The following UBP1 variants were observed in gnomAD, a reference collection of about 807,000 sequenced individuals.
UBP1 encodes upstream-binding protein 1.
A neutral mutation model predicts 76.1 loss-of-function variants in UBP1; 22 were observed. The ratio of observed to expected loss-of-function variants is 0.29; its 90% confidence interval spans 0.21 to 0.41. UBP1 has a LOEUF of 0.41. Ranked by LOEUF, UBP1 falls within the 10% of genes least tolerant of loss-of-function variation. The pLI is 1.00. For missense variants in UBP1, 436 were observed against 668.1 expected (o/e 0.65, Z 3.83); for synonymous variants, 224 against 237.1 (o/e 0.94, Z 0.51).
At chr3:33,400,390 G>A (rs1358774100) in intron 10 of UBP1, 108 bp from the exon 11 acceptor site, 1 of 766,528 alleles carries the variant, frequency 1.3e-6, no homozygotes, top group Non-Finnish European at 2.0e-6. Context: ...CCCAAAAAGA[G>A]CATGAGTCTG....
chr3:33,425,170 GTTTA>G (rs1243149353), intron 2 of UBP1, among the ~76,000 whole-genome samples: 1 of 152,138 alleles, frequency 6.6e-6, no homozygotes, highest in Non-Finnish European at 1.5e-5. Context: ...AAAATTTGAT[GTTTA>G]TTTAGCCACA....
At chr3:33,425,793 C>T (rs753228845) in intron 1 of UBP1, 52 bp from the exon 2 acceptor site, 2 of 1,517,214 alleles carry the variant, frequency 1.3e-6, no homozygotes. Flanking sequence ...AAATATTTGT[C>T]TACAGCCATA....
At chr3:33,425,872 T>TTTTTAA (rs1553679179) in intron 1 of UBP1, 131 bp from the exon 2 acceptor site, 1,335 of 746,448 alleles carry the variant, frequency 1.8e-3, no homozygotes, top group East Asian at 4.0e-3. Context: ...ATAGTTTTTT[T>TTTTTAA]TTTAAGATCA....
intron 13 of UBP1, among the ~76,000 whole-genome samples, chr3:33,395,327 C>T (rs1461822734): frequency 1.3e-5 from 2 of 151,420 alleles, no homozygotes; most frequent in African/African-American, 2.4e-5. Context: ...GCCATTAACA[C>T]ATCTTTTTTT....
chr3:33,401,008 G>A lies in UBP1; in HGVS notation c.1040C>T (p.Ser347Phe). ...TCCATCTCCCTGATGATTTGGGGAA[G>A]AAGAATTGCTGGGGAGAAAGGAGAA... Reference protein sequence around the residue: ...STCSVPDSNSSSPNHQGDGAS... With the variant: ...STCSVPDSNSFSPNHQGDGAS... Residue 347 changes from serine (S) to phenylalanine (F), a missense_variant, in exon 10 of 16, where the codon TCT becomes TTT. This residue lies in a region of UBP1 where 210 missense variants were observed against 272.8 expected (regional missense o/e 0.77). Transcript: ENST00000283629. The A allele has an allele frequency of 6.3e-7, 1 of 1,592,708 alleles. No individual in the cohort carries two copies. The highest frequency in any genetic ancestry group is 1.2e-5 in the South Asian group (1 of 86,488).
At chr3:33,416,696 T>C in intron 3 of UBP1, 62 bp downstream of exon 3, 1 of 1,302,352 alleles carries the variant, frequency 7.7e-7, no homozygotes, top group Non-Finnish European at 1.1e-6. Flanking sequence ...TAATTTTTTT[T>C]TAAACAAAAA....
chr3:33,393,578 T>G (rs1018615937), intron 13 of UBP1, 124 bp from the exon 14 acceptor site: 12 of 863,098 alleles, frequency 1.4e-5, no homozygotes, highest in Non-Finnish European at 1.8e-5. Context: ...AAAAAACATT[T>G]TAAATGGGAA....
intron 8 of UBP1, 135 bp from the exon 9 acceptor site, chr3:33,403,039 G>A (rs1000649827): frequency 2.3e-5 from 18 of 770,204 alleles, no homozygotes; most frequent in Non-Finnish European, 3.8e-5. Context: ...CAACCTCACA[G>A]ACACATGTCA....
rs1239567965 is a variant in UBP1 at position 33,390,150 on chromosome 3, C to A, written c.*181G>T. The A allele has an allele frequency of 3.2e-6, 2 of 626,380 alleles. No homozygotes were observed. The highest frequency in any genetic ancestry group is 2.8e-6 in the Non-Finnish European group (1 of 357,350). 38.8% of individuals were successfully genotyped at this position (626,380 alleles called of 1,614,324 possible). A position where few individuals can be genotyped will look rare whatever the true frequency, so the allele number is the denominator to read the frequency against. ...TGCTCACTCTCATGAGGATGCTTGG[C>A]TATGGCAGTGACAGTGAGGAGATTC... On this transcript the variant is annotated 3_prime_UTR_variant, in exon 16 of 16. Transcript: ENST00000283629.
At chr3:33,397,784 T>G (rs1373852000) in intron 11 of UBP1, 1 of 152,128 alleles carries the variant, frequency 6.6e-6, no homozygotes, top group Non-Finnish European at 1.5e-5. Flanking sequence ...AGTGTAAATG[T>G]CTCTCTATAC....
intron 8 of UBP1, chr3:33,403,183 A>G: frequency 3.1e-6 from 1 of 325,130 alleles, no homozygotes; most frequent in Non-Finnish European, 5.8e-6. Flanking sequence ...CTTAAGTATA[A>G]TTGCTTTGAA....
chr3:33,415,211 G>A (rs2044698765), intron 3 of UBP1, among the ~76,000 whole-genome samples: 1 of 152,082 alleles, frequency 6.6e-6, no homozygotes, highest in Non-Finnish European at 1.5e-5. Flanking sequence ...ACCTATTCAG[G>A]GAACTGCCCT....
chr3:33,400,124 T>C (rs1004597033), intron 11 of UBP1, 65 bp downstream of exon 11: 1 of 1,114,412 alleles, frequency 9.0e-7, no homozygotes, highest in African/African-American at 1.7e-5. Flanking sequence ...AATATAAAGT[T>C]AATAAAAGCA....
chr3:33,431,649 A>C (rs920665517), intron 1 of UBP1, among the ~76,000 whole-genome samples: 7 of 151,776 alleles, frequency 4.6e-5, no homozygotes, highest in African/African-American at 1.7e-4. Context: ...CTGAAGCAGG[A>C]GAATTGCTTG....
rs147424877 is a variant in UBP1 at position 33,406,714 on chromosome 3, C to T, written c.927+1976G>A. Among the ~76,000 whole-genome samples the T allele has an allele frequency of 9.8e-5, 15 of 152,304 alleles. No homozygotes were observed. The East Asian group carries it at 1.9e-3, about 20-fold the overall frequency. ...GCCTATGCTCCTGAATTCATAACGGCGCTAGCAATGCCTGGCCTGGGCTCA... is the reference window on the plus strand; with the variant it reads ...GCCTATGCTCCTGAATTCATAACGGTGCTAGCAATGCCTGGCCTGGGCTCA... On this transcript the variant is annotated intron_variant, in intron 8 of 15. Coordinates refer to ENST00000283629, the MANE Select transcript of UBP1 (RefSeq NM_014517.5).
intron 11 of UBP1, among the ~76,000 whole-genome samples, chr3:33,398,747 TGCCTGATGTAAAAGGAG>T (rs1451889200): frequency 6.6e-6 from 1 of 152,248 alleles, no homozygotes; most frequent in South Asian, 2.1e-4. Flanking sequence ...AACATGGATT[TGCCTGATGTAAAAGGAG>T]TAATGTGGGG....
At chr3:33,418,581 G>A (rs2044792959) in intron 2 of UBP1, among the ~76,000 whole-genome samples, 1 of 151,810 alleles carries the variant, frequency 6.6e-6, no homozygotes, top group Non-Finnish European at 1.5e-5. Flanking sequence ...TAATTAGGCT[G>A]CGCGCAGTGG....
At chr3:33,438,368 G>A (rs1419264569) in intron 1 of UBP1, among the ~76,000 whole-genome samples, 1 of 152,194 alleles carries the variant, frequency 6.6e-6, no homozygotes, top group East Asian at 1.9e-4. Context: ...TTGACTATAA[G>A]CCTCGTGTTT....
At chr3:33,422,000 A>C (rs551242137) in intron 2 of UBP1, among the ~76,000 whole-genome samples, 1 of 152,288 alleles carries the variant, frequency 6.6e-6, no homozygotes, top group Admixed American at 6.5e-5. Flanking sequence ...GCAAGACTGC[A>C]TCGTTGCACT....
Sources: allele counts gnomAD v4.1 joint callset (sites outside exome capture counted in the v4.1 genomes callset), GRCh38; gene constraint gnomAD v4.1.1; regional missense constraint gnomAD v4.1.1; transcripts MANE v1.5; gene names NCBI Gene and HGNC (gene_info 2026-07-23, HGNC 2026-07-21).